The following GREB1L variants were observed in gnomAD, a reference collection of about 807,000 sequenced individuals.
The protein encoded by GREB1L is GREB1-like protein.
A neutral mutation model predicts 200.8 loss-of-function variants in GREB1L; 17 were observed. That is an observed-to-expected ratio of 0.08 (90% confidence interval 0.06 to 0.13). The LOEUF (loss-of-function observed/expected upper bound fraction) is 0.13. GREB1L is among the 10% of genes least tolerant of loss of function. The probability of loss-of-function intolerance (pLI) is 1.00; values close to 1 mark genes in which losing one functional copy is unlikely to be tolerated. For missense variants in GREB1L, 1,657 were observed against 2,367.7 expected, an observed-to-expected ratio of 0.70 and a Z score of 6.23; for synonymous variants, 789 against 893.0, an observed-to-expected ratio of 0.88 and a Z score of 2.08.
intron 7 of GREB1L, among the ~76,000 whole-genome samples, chr18:21,424,997 T>A (rs762707960): frequency 6.6e-6 from 1 of 152,212 alleles, no homozygotes; most frequent in Non-Finnish European, 1.5e-5. Flanking sequence ...TTATTCCTTT[T>A]TACTGCTGAA....
chr18:21,467,551 C>T (rs2035305014), intron 15 of GREB1L, among the ~76,000 whole-genome samples: 1 of 152,176 alleles, frequency 6.6e-6, no homozygotes, highest in Admixed American at 6.5e-5. Context: ...GACTGCTACA[C>T]ACCCCACTAG....
chr18:21,428,627 T>C (rs569139070), intron 7 of GREB1L, among the ~76,000 whole-genome samples: 6 of 138,924 alleles, frequency 4.3e-5, no homozygotes, highest in Non-Finnish European at 8.9e-5. Flanking sequence ...AGCCATAGCA[T>C]ATAGTCCCTT....
intron 1 of GREB1L, among the ~76,000 whole-genome samples, chr18:21,341,918 G>GCC (rs2039275362): frequency 6.6e-6 from 1 of 152,152 alleles, no homozygotes; most frequent in Admixed American, 6.6e-5. Flanking sequence ...CAAAGGGAAA[G>GCC]TGGGAGCTGA....
chr18:21,501,105 A>C (rs1284403566), intron 23 of GREB1L, among the ~76,000 whole-genome samples: 1 of 151,686 alleles, frequency 6.6e-6, no homozygotes, highest in Non-Finnish European at 1.5e-5. Flanking sequence ...AGAAATGAAA[A>C]AAAAGAATGT....
chr18:21,403,787 T>C, intron 6 of GREB1L, 85 bp from the exon 7 acceptor site: 1 of 1,176,444 alleles, frequency 8.5e-7, no homozygotes, highest in Non-Finnish European at 1.2e-6. Context: ...CGATTTAATT[T>C]AGAGATTTTA....
rs561918580 is a variant in GREB1L, at chr18:21,266,317, A to G, written c.-120+23924A>G. Among the ~76,000 whole-genome samples, 5 of 152,372 alleles carry G rather than the reference A, an allele frequency of 3.3e-5. No individual in the cohort carries two copies. In the East Asian group the frequency reaches 5.8e-4, roughly 18 times the overall value. ...AGGGAAAATAACATAGATGGAATAG[A>G]TCATTTGAAATGGGCAAGTTTAATC... On this transcript the variant is annotated intron_variant, in intron 1 of 32. Coordinates refer to ENST00000424526, the MANE Select transcript of GREB1L (RefSeq NM_001142966.3).
intron 1 of GREB1L, among the ~76,000 whole-genome samples, chr18:21,330,004 T>A (rs192171555): frequency 6.6e-6 from 1 of 151,972 alleles, no homozygotes; most frequent in South Asian, 2.1e-4. Flanking sequence ...ATATAACTTT[T>A]TCCCTAGGTC....
chr18:21,333,108 G>A (rs925516421), intron 1 of GREB1L, among the ~76,000 whole-genome samples: 27 of 151,824 alleles, frequency 1.8e-4, no homozygotes, highest in Non-Finnish European at 2.4e-4. Flanking sequence ...GCGCGCGCGC[G>A]CACATACGGT....
At chr18:21,357,923 A>T (rs1336506266) in intron 1 of GREB1L, among the ~76,000 whole-genome samples, 1 of 152,176 alleles carries the variant, frequency 6.6e-6, no homozygotes, top group Non-Finnish European at 1.5e-5. Flanking sequence ...CTTTTTGCTC[A>T]AGATTGCTTT....
intron 4 of GREB1L, among the ~76,000 whole-genome samples, chr18:21,392,595 G>C (rs971654510): frequency 6.6e-6 from 1 of 151,718 alleles, no homozygotes; most frequent in Non-Finnish European, 1.5e-5. Flanking sequence ...TGTTAAAAAG[G>C]GATCTATAAG....
rs1012732226 is a variant in GREB1L, at chr18:21,523,587, G to A, written c.*766G>A. The A allele has an allele frequency of 1.3e-5, 2 of 152,154 alleles. No individual in the cohort carries two copies. Among genetic ancestry groups the A allele is most frequent in the African/African-American group, 2.4e-5 (1 of 41,428 alleles). 9.4% of individuals were successfully genotyped at this position (152,154 alleles called of 1,614,324 possible). ...AGAATATCTTATCTATGAGACTATG[G>A]AACAGTGATTAATCTTTTGCAAGAA... On this transcript the variant is annotated 3_prime_UTR_variant, in exon 33 of 33. Coordinates refer to ENST00000424526, the MANE Select transcript of GREB1L (RefSeq NM_001142966.3).
chr18:21,482,642 ATT>A (rs35313539), intron 17 of GREB1L, among the ~76,000 whole-genome samples: 4 of 118,086 alleles, frequency 3.4e-5, no homozygotes, highest in African/African-American at 6.2e-5. Flanking sequence ...TAGATTACAG[ATT>A]TTTTTTTTTT....
At chr18:21,280,723 ATT>A (rs1247201444) in intron 1 of GREB1L, among the ~76,000 whole-genome samples, 2 of 151,344 alleles carry the variant, frequency 1.3e-5, no homozygotes, top group African/African-American at 4.9e-5. Flanking sequence ...TTTGTTCTCT[ATT>A]TTCCATGTCT....
At chr18:21,389,155 C>T (rs192833405) in intron 4 of GREB1L, among the ~76,000 whole-genome samples, 2 of 152,162 alleles carry the variant, frequency 1.3e-5, no homozygotes, top group East Asian at 3.9e-4. Flanking sequence ...CTCTTCTCTC[C>T]CATTTATTGA....
At chr18:21,494,599 A>AC in intron 19 of GREB1L, among the ~76,000 whole-genome samples, 1 of 152,250 alleles carries the variant, frequency 6.6e-6, no homozygotes, top group East Asian at 1.9e-4. Context: ...AGCCTGGGCA[A>AC]CAGAGCAAGA....
chr18:21,289,885 T>C (rs796648564), intron 1 of GREB1L, among the ~76,000 whole-genome samples: 2 of 152,140 alleles, frequency 1.3e-5, no homozygotes, highest in South Asian at 4.1e-4. Context: ...TAAGAGGACA[T>C]GGAGGGTTTT....
intron 1 of GREB1L, among the ~76,000 whole-genome samples, chr18:21,329,714 A>G (rs186872452): frequency 1.3e-5 from 2 of 152,110 alleles, no homozygotes; most frequent in Non-Finnish European, 2.9e-5. Context: ...GGTAAACAAA[A>G]ACAATGAGGA....
At chr18:21,357,819 T>C (rs1476920947) in intron 1 of GREB1L, among the ~76,000 whole-genome samples, 1 of 152,190 alleles carries the variant, frequency 6.6e-6, no homozygotes, top group Non-Finnish European at 1.5e-5. Context: ...TCTGTTCCAT[T>C]GGTCTATTTT....
At chr18:21,252,279 C>T (rs1372054879) in intron 1 of GREB1L, among the ~76,000 whole-genome samples, 2 of 151,808 alleles carry the variant, frequency 1.3e-5, no homozygotes, top group South Asian at 2.1e-4. Flanking sequence ...TATATTAGTC[C>T]GGGTGCAGTG....
Sources: allele counts gnomAD v4.1 joint callset (sites outside exome capture counted in the v4.1 genomes callset), GRCh38; gene constraint gnomAD v4.1.1; transcripts MANE v1.5; gene names NCBI Gene and HGNC (gene_info 2026-07-23, HGNC 2026-07-21).